The following EYA4 variants were observed in gnomAD, a reference collection of about 807,000 sequenced individuals.
EYA4 encodes the protein EYA transcriptional coactivator and phosphatase 4.
A neutral mutation model predicts 87.9 loss-of-function variants in EYA4; 31 were observed. That is an observed-to-expected ratio of 0.35 (90% confidence interval 0.27 to 0.48). EYA4 has a LOEUF of 0.48. Among genes scored for constraint, EYA4 ranks in the 20% least tolerant of loss-of-function variants. EYA4 has a pLI of 0.99. For synonymous variants in EYA4, 263 were observed against 270.6 expected (o/e 0.97, Z 0.28); for missense variants, 678 against 761.4 (o/e 0.89, Z 1.29).
chr6:133,348,382 T>C (rs1391856162), intron 2 of EYA4, among the ~76,000 whole-genome samples: 1 of 148,122 alleles, frequency 6.8e-6, no homozygotes, highest in Admixed American at 6.9e-5. Context: ...CAAGCAGTCC[T>C]CTTGCTTCAG....
At chr6:133,483,003 A>G in intron 12 of EYA4, 29 bp from the exon 13 acceptor site, 3 of 1,585,092 alleles carry the variant, frequency 1.9e-6, no homozygotes, top group South Asian at 2.2e-5. Context: ...GGACTTTTTA[A>G]TTTTCTGATA....
intron 2 of EYA4, among the ~76,000 whole-genome samples, chr6:133,361,311 C>T (rs1171574016): frequency 6.6e-6 from 1 of 152,156 alleles, no homozygotes; most frequent in East Asian, 1.9e-4. Flanking sequence ...GGCTTGTTTA[C>T]TGCCCATTAT....
chr6:133,453,811 T>C (rs977729053), intron 5 of EYA4: 1 of 152,146 alleles, frequency 6.6e-6, no homozygotes, highest in Non-Finnish European at 1.5e-5. Context: ...AGCTAACACA[T>C]CTTGCTTGTT....
At chr6:133,391,781 G>C (rs985072598) in intron 3 of EYA4, among the ~76,000 whole-genome samples, 1 of 152,004 alleles carries the variant, frequency 6.6e-6, no homozygotes, top group African/African-American at 2.4e-5. Flanking sequence ...AAAGGTTGAG[G>C]GTAGATAACC....
At chr6:133,312,099 G>A (rs984073232) in intron 2 of EYA4, among the ~76,000 whole-genome samples, 2 of 152,154 alleles carry the variant, frequency 1.3e-5, no homozygotes, top group African/African-American at 4.8e-5. Flanking sequence ...GGGTGTTTGT[G>A]TGAGTGGGGA....
chr6:133,415,983 G>C (rs1490199955), intron 3 of EYA4, among the ~76,000 whole-genome samples: 1 of 152,186 alleles, frequency 6.6e-6, no homozygotes, highest in Non-Finnish European at 1.5e-5. Flanking sequence ...AATCCCTTAA[G>C]GATAAGTTGG....
chr6:133,453,330 A>G (rs1196037391), intron 5 of EYA4, among the ~76,000 whole-genome samples: 4 of 152,082 alleles, frequency 2.6e-5, no homozygotes, highest in Admixed American at 2.6e-4. Flanking sequence ...AATACATTTC[A>G]AATATATTTC....
At chr6:133,358,792 A>G (rs549225328) in intron 2 of EYA4, among the ~76,000 whole-genome samples, 1 of 152,330 alleles carries the variant, frequency 6.6e-6, no homozygotes, top group African/African-American at 2.4e-5. Flanking sequence ...TCAAGAGGTA[A>G]AACAAACACA....
intron 2 of EYA4, among the ~76,000 whole-genome samples, chr6:133,307,010 C>A (rs995304115): frequency 6.6e-6 from 1 of 152,172 alleles, no homozygotes; most frequent in Admixed American, 6.5e-5. Context: ...ACAATTGGGA[C>A]ACTGTGTTTA....
At chr6:133,325,575 A>T (rs1289311802) in intron 2 of EYA4, among the ~76,000 whole-genome samples, 1 of 152,230 alleles carries the variant, frequency 6.6e-6, no homozygotes, top group Non-Finnish European at 1.5e-5. Flanking sequence ...CTGTCAAGTC[A>T]TCAAGATTGA....
chr6:133,270,746 C>T lies in EYA4; in HGVS notation c.-65-3970C>T, dbSNP rs373910808. Among the ~76,000 whole-genome samples the T allele has an allele frequency of 1.4e-3, 218 of 152,184 alleles. 1 individual carries two copies. Among genetic ancestry groups the T allele is most frequent in the African/African-American group, 4.7e-3 (196 of 41,528 alleles). Reference sequence around the variant, plus strand: ...TTTCCCATTGACCTTAATCATAGGGCGTGGTAATACTAAGAGACACCCTAA... The same window carrying T: ...TTTCCCATTGACCTTAATCATAGGGTGTGGTAATACTAAGAGACACCCTAA... On this transcript the variant is annotated intron_variant, in intron 1 of 19. Coordinates refer to ENST00000355286, the MANE Select transcript of EYA4 (RefSeq NM_004100.5).
chr6:133,264,406 A>G (rs1049802717), intron 1 of EYA4, among the ~76,000 whole-genome samples: 5 of 152,366 alleles, frequency 3.3e-5, no homozygotes, highest in African/African-American at 7.2e-5. Flanking sequence ...TTTCGGAACC[A>G]TCACTCTGGT....
intron 1 of EYA4, among the ~76,000 whole-genome samples, chr6:133,255,047 A>C (rs1386438618): frequency 6.6e-6 from 1 of 152,216 alleles, no homozygotes; most frequent in African/African-American, 2.4e-5. Flanking sequence ...TAGTTCCAGC[A>C]TGTGTACATG....
chr6:133,425,437 AC>A (rs11374264), intron 3 of EYA4, among the ~76,000 whole-genome samples: 1 of 149,504 alleles, frequency 6.7e-6, no homozygotes, highest in Non-Finnish European at 1.5e-5. Context: ...AGGTCATGAC[AC>A]CCCCCCAACC....
At chr6:133,301,191 C>A (rs1405544301) in intron 2 of EYA4, among the ~76,000 whole-genome samples, 1 of 152,054 alleles carries the variant, frequency 6.6e-6, no homozygotes, top group Non-Finnish European at 1.5e-5. Flanking sequence ...GTATATTAAA[C>A]CATCTTGATA....
intron 3 of EYA4, among the ~76,000 whole-genome samples, chr6:133,429,061 G>A (rs1699826467): frequency 6.6e-6 from 1 of 151,030 alleles, no homozygotes; most frequent in Non-Finnish European, 1.5e-5. Context: ...CGAGTAGCTG[G>A]GATTACAGGT....
intron 17 of EYA4, among the ~76,000 whole-genome samples, chr6:133,520,948 T>C (rs1422582685): frequency 6.6e-6 from 1 of 150,708 alleles, no homozygotes; most frequent in Non-Finnish European, 1.5e-5. Flanking sequence ...CCTTACACCT[T>C]ATACAAAAAT....
intron 13 of EYA4, among the ~76,000 whole-genome samples, chr6:133,502,068 T>TCTCA (rs749035754): frequency 0.036 from 5,434 of 151,158 alleles, 342 homozygotes; most frequent in African/African-American, 0.12. Flanking sequence ...TCTCTCTCTC[T>TCTCA]CTCACTCTCT....
chr6:133,372,909 G>A (rs947096842), intron 2 of EYA4, among the ~76,000 whole-genome samples: 2 of 151,816 alleles, frequency 1.3e-5, no homozygotes, highest in African/African-American at 4.8e-5. Context: ...GGGCACATTA[G>A]GAGAGTTTTT....
Sources: allele counts gnomAD v4.1 joint callset (sites outside exome capture counted in the v4.1 genomes callset), GRCh38; gene constraint gnomAD v4.1.1; transcripts MANE v1.5; gene names NCBI Gene and HGNC (gene_info 2026-07-23, HGNC 2026-07-21).